Variants in LRRC28 observed in about 807,000 individuals in gnomAD.
The protein encoded by LRRC28 is leucine rich repeat containing 28.
A neutral mutation model predicts 45.7 loss-of-function variants in LRRC28; 39 were observed. The ratio of observed to expected loss-of-function variants is 0.85; its 90% CI spans 0.66 to 1.12. The LOEUF (loss-of-function observed/expected upper bound fraction) is 1.12, where lower values mean the gene tolerates loss of function less well. Ranked by LOEUF, LRRC28 falls within the 50% of genes most tolerant of loss-of-function variation. The probability of loss-of-function intolerance (pLI) is 0.00; values close to 1 mark genes in which losing one functional copy is unlikely to be tolerated. For synonymous variants in LRRC28, 206 were observed against 178.8 expected (o/e 1.15, Z -1.22); for missense variants, 435 against 438.5 (o/e 0.99, Z 0.07).
chr15:99,328,440 G>T (rs544045556), intron 5 of LRRC28, among the ~76,000 whole-genome samples: 1 of 152,086 alleles, frequency 6.6e-6, no homozygotes, highest in African/African-American at 2.4e-5. Flanking sequence ...ATCATGTTAG[G>T]TGGAACTATT....
chr15:99,309,365 G>A (rs988116539), intron 5 of LRRC28, among the ~76,000 whole-genome samples: 1 of 139,238 alleles, frequency 7.2e-6, no homozygotes, highest in African/African-American at 2.9e-5. Flanking sequence ...TGATTGTTAT[G>A]AACTAGTCTT....
Position 99,333,132 on chromosome 15 carries a change from G to A in LRRC28, c.386-791G>A, listed in dbSNP as rs539690517. Among the ~76,000 whole-genome samples the A allele has an allele frequency of 7.2e-5, 11 of 152,290 alleles. No individual in the cohort carries two copies. The South Asian group carries it at 1.7e-3, about 23-fold the overall frequency. ...TTCCCCTAAAATGGTGATTTTCCCT[G>A]AGAAGGACTAAGTTCCTTGTAAGGA... On this transcript the variant is annotated intron_variant, in intron 5 of 9. Coordinates refer to ENST00000301981, the MANE Select transcript of LRRC28 (RefSeq NM_144598.5).
chr15:99,268,089 A>T (rs1478178868), intron 2 of LRRC28, among the ~76,000 whole-genome samples: 2 of 152,160 alleles, frequency 1.3e-5, no homozygotes, highest in Admixed American at 6.5e-5. Context: ...GTTTTGCTTC[A>T]TTTTAATTCT....
chr15:99,359,558 C>G (rs1474619516), intron 7 of LRRC28, among the ~76,000 whole-genome samples: 1 of 152,134 alleles, frequency 6.6e-6, no homozygotes, highest in Non-Finnish European at 1.5e-5. Flanking sequence ...TGCTTTCTTA[C>G]CAATCTTTTT....
chr15:99,366,645 C>G (rs919286094), intron 9 of LRRC28, among the ~76,000 whole-genome samples: 1 of 152,104 alleles, frequency 6.6e-6, no homozygotes, highest in African/African-American at 2.4e-5. Context: ...TATAAGGGCA[C>G]AAATCCTATC....
Position 99,361,416 on chromosome 15 carries a change from A to C in LRRC28, c.776A>C (p.Glu259Ala), listed in dbSNP as rs759112546. The C allele has an allele frequency of 6.2e-7, 1 of 1,613,934 alleles. No individual in the cohort carries two copies. Among genetic ancestry groups the C allele is most frequent in the Admixed American group, 1.7e-5 (1 of 59,994 alleles). The change falls in exon 8 of 10, where the codon GAG (glutamate) becomes GCG (alanine). Residue 259 changes from glutamate (E) to alanine (A), a missense_variant. Coordinates refer to ENST00000301981, the MANE Select transcript of LRRC28 (RefSeq NM_144598.5). ...SGQRTVFLPA[E>A]VKAIGTEHDH... ...CAGCGAACCGTTTTCCTCCCAGCTGAGGTGAAGGCCATAGGGACGGAGCAT... is the reference window on the plus strand; with the variant it reads ...CAGCGAACCGTTTTCCTCCCAGCTGCGGTGAAGGCCATAGGGACGGAGCAT...
intron 9 of LRRC28, among the ~76,000 whole-genome samples, chr15:99,381,168 C>T (rs1297724827): frequency 6.6e-6 from 1 of 152,156 alleles, no homozygotes; most frequent in Non-Finnish European, 1.5e-5. Flanking sequence ...TTCAAGTATA[C>T]CAATCAGACG....
At chr15:99,285,826 A>G (rs1365427707) in intron 3 of LRRC28, 1 of 424,026 alleles carries the variant, frequency 2.4e-6, no homozygotes, top group Admixed American at 3.2e-5. Flanking sequence ...TCAGTTCTCT[A>G]TTTTGATTTA....
At chr15:99,318,359 G>A (rs1955671803) in intron 5 of LRRC28, among the ~76,000 whole-genome samples, 1 of 152,040 alleles carries the variant, frequency 6.6e-6, no homozygotes, top group Admixed American at 6.5e-5. Flanking sequence ...TATAACAGGT[G>A]CTTACAATTG....
chr15:99,294,767 A>G (rs889737578), intron 5 of LRRC28, among the ~76,000 whole-genome samples: 5 of 152,228 alleles, frequency 3.3e-5, no homozygotes, highest in Non-Finnish European at 5.9e-5. Context: ...AGGTTTCAAC[A>G]TATGAATTTA....
At position 99,334,125 on chromosome 15, in the gene LRRC28, A is replaced by G; in HGVS notation, c.588A>G (p.Pro196=). 2 of 1,614,118 alleles carry G rather than the reference A, an allele frequency of 1.2e-6. No individual in the cohort carries two copies. Among genetic ancestry groups the G allele is most frequent in the Non-Finnish European group, 1.7e-6 (2 of 1,179,972 alleles). The change falls in exon 6 of 10, where the codon CCA becomes CCG. Residue 196 remains proline (P), a synonymous_variant. Coordinates refer to ENST00000301981, the MANE Select transcript of LRRC28 (RefSeq NM_144598.5). ...SMAGNRLAFL[P]LDLGRSRELQ... is the part of the protein sequence containing the mutation. ...CTGGAAACCGTCTTGCATTTTTGCCACTTGGTAAGTGATTGTGTTTAAAGT... is the reference window on the plus strand; with the variant it reads ...CTGGAAACCGTCTTGCATTTTTGCCGCTTGGTAAGTGATTGTGTTTAAAGT...
chr15:99,377,778 A>T, intron 9 of LRRC28, among the ~76,000 whole-genome samples: 1 of 151,922 alleles, frequency 6.6e-6, no homozygotes, highest in African/African-American at 2.4e-5. Flanking sequence ...CAGTTTTCCC[A>T]GCACCATTTA....
Position 99,352,407 on chromosome 15 carries a change from G to A in LRRC28, c.631G>A (p.Asp211Asn). 6.2e-7 allele frequency: 1 copy of A among 1,613,902 alleles called. No individual in the cohort carries two copies. Among genetic ancestry groups the A allele is most frequent in the Non-Finnish European group, 8.5e-7 (1 of 1,179,970 alleles). Residue 211 changes from aspartate (D) to asparagine (N), a missense_variant, in exon 7 of 10, where the codon GAT becomes AAT. By Grantham distance (23) the Asp-to-Asn change is conservative (BLOSUM62 1). Transcript: ENST00000301981. ...TCGAGAACTACAGTATGTATACGTG[G>A]ATAACAACATTCACCTGAAAGGCTT... is the stretch of plus-strand genomic sequence containing the variant. ...RSRELQYVYV[D>N]NNIHLKGLPS...
At chr15:99,273,429 G>A (rs774651890) in intron 2 of LRRC28, among the ~76,000 whole-genome samples, 14 of 152,062 alleles carry the variant, frequency 9.2e-5, no homozygotes, top group Non-Finnish European at 1.8e-4. Context: ...AGTAGAGACA[G>A]GGTTTCACCG....
At chr15:99,334,402 A>AGTGTGTGTGTGTGT (rs57298947) in intron 6 of LRRC28, among the ~76,000 whole-genome samples, 77 of 144,690 alleles carry the variant, frequency 5.3e-4, no homozygotes, top group African/African-American at 1.8e-3. Context: ...GGAATTAAAG[A>AGTGTGTGTGTGTGT]GTGTGTGTGT....
chr15:99,298,613 T>G (rs2082324144), intron 5 of LRRC28, among the ~76,000 whole-genome samples: 1 of 152,202 alleles, frequency 6.6e-6, no homozygotes, highest in Non-Finnish European at 1.5e-5. Context: ...AATGGGGACA[T>G]TTTTAAAAAC....
At chr15:99,329,653 A>G (rs1022223528) in intron 5 of LRRC28, among the ~76,000 whole-genome samples, 6 of 152,236 alleles carry the variant, frequency 3.9e-5, no homozygotes, top group African/African-American at 1.4e-4. Context: ...AGAGATGTCC[A>G]TTTTGTACAT....
Position 99,387,484 on chromosome 15 carries a change from C to A in LRRC28, c.*1382C>A, listed in dbSNP as rs1958060420. ...GTATACTTAGCTTACTGCCCAGATG[C>A]AACTGAGAAAATACAGGAAAAGCAG... On this transcript the variant is annotated 3_prime_UTR_variant, in exon 10 of 10. Coordinates refer to ENST00000301981, the MANE Select transcript of LRRC28 (RefSeq NM_144598.5). 6.6e-6 allele frequency: 1 copy of A among 152,290 alleles called. No individual in the cohort carries two copies. The highest frequency in any genetic ancestry group is 2.4e-5 in the African/African-American group (1 of 41,570). The allele number at this position is 152,290 out of a possible 1,614,324, so 9.4% of individuals were successfully genotyped here.
rs756063388 is a variant in LRRC28, at chr15:99,287,290, G to A, written c.243G>A (p.Pro81=). ...YLHSNNIVVV[P]EAIGSLVKLQ... ...ACTCAAATAACATAGTTGTGGTTCCGGAAGGTATGTTTAACTTAAAAATTT... is the reference window on the plus strand; with the variant it reads ...ACTCAAATAACATAGTTGTGGTTCCAGAAGGTATGTTTAACTTAAAAATTT... The change falls in exon 4 of 10, where the codon CCG becomes CCA. Residue 81 remains proline (P), a synonymous_variant. Transcript: ENST00000301981. 1.2e-5 allele frequency: 18 copies of A among 1,558,656 alleles called. No homozygotes were observed. Among genetic ancestry groups the A allele is most frequent in the Admixed American group, 7.7e-5 (4 of 52,268 alleles).
Sources: gnomAD v4.1 joint callset for allele counts (sites outside exome capture counted in the v4.1 genomes callset) on GRCh38, gnomAD v4.1.1 for gene constraint, MANE v1.5 for transcripts, NCBI Gene and HGNC (gene_info 2026-07-23, HGNC 2026-07-21) for gene names.